MAP2K5: variants seen among roughly 807,000 people sequenced by gnomAD.
The protein encoded by MAP2K5 is dual specificity mitogen-activated protein kinase kinase 5.
Under a neutral mutation model 83.1 loss-of-function variants are expected in MAP2K5, and 49 were observed. The ratio of observed to expected loss-of-function variants is 0.59; its 90% CI spans 0.47 to 0.75. The LOEUF (loss-of-function observed/expected upper bound fraction) is 0.75, where lower values mean the gene tolerates loss of function less well. Ranked by LOEUF, MAP2K5 falls within the 30% of genes least tolerant of loss-of-function variation. The pLI, the probability that MAP2K5 is intolerant of heterozygous loss-of-function variation, is 0.00. For synonymous variants in MAP2K5, 202 were observed against 191.8 expected (o/e 1.05, Z -0.44); for missense variants, 457 against 557.5 (o/e 0.82, Z 1.82).
chr15:67,547,009 G>A (rs2084400880), intron 1 of MAP2K5, among the ~76,000 whole-genome samples: 1 of 151,706 alleles, frequency 6.6e-6, no homozygotes, highest in Admixed American at 6.6e-5. Flanking sequence ...AGGCTATAGG[G>A]AGCTGTGATT....
At position 67,806,652 on chromosome 15, in the gene MAP2K5, C is replaced by CCGTTCAT. The variant is rs1566971039; in HGVS notation, c.1253_1259dup (p.Gln421HisfsTer6). On this transcript the variant is annotated frameshift_variant, in exon 22 of 22. Transcript: ENST00000178640. LOFTEE classifies it high-confidence loss of function. ...CTCCTCCTCTTCCCCGCAGGGCCAC[C>CCGTTCAT]CGTTCATCGTGCAGTTCAATGATGG... is the stretch of plus-strand genomic sequence containing the variant. The CCGTTCAT allele has an allele frequency of 1.3e-6, 2 of 1,550,582 alleles. No homozygotes were observed. Among genetic ancestry groups the CCGTTCAT allele is most frequent in the Non-Finnish European group, 1.7e-6 (2 of 1,146,940 alleles).
At chr15:67,712,579 A>T (rs1201170923) in intron 16 of MAP2K5, among the ~76,000 whole-genome samples, 3 of 152,246 alleles carry the variant, frequency 2.0e-5, no homozygotes, top group African/African-American at 7.2e-5. Flanking sequence ...CTGCTGTAAC[A>T]AAAGGAACTT....
rs1271830283 is a variant in MAP2K5 at position 67,750,857 on chromosome 15, T to C, written c.1134+2256T>C. 1.3e-5 allele frequency among the ~76,000 whole-genome samples: 2 copies of C among 151,994 alleles called. No homozygotes were observed. The highest frequency in any genetic ancestry group is 6.6e-5 in the Admixed American group (1 of 15,250). On this transcript the variant is annotated intron_variant, in intron 19 of 21. Transcript: ENST00000178640. The surrounding 1 kb of genome is among the most constrained non-coding windows in gnomAD (Gnocchi z 4.2). Reference sequence around the variant, plus strand: ...GAGTGGGATTTACCCCGTTGTGAAGTGGGTATCTGTTGCTAGTATATACTA... The same window carrying C: ...GAGTGGGATTTACCCCGTTGTGAAGCGGGTATCTGTTGCTAGTATATACTA...
intron 19 of MAP2K5, among the ~76,000 whole-genome samples, chr15:67,763,670 G>A (rs926214409): frequency 4.6e-5 from 7 of 151,000 alleles, no homozygotes; most frequent in East Asian, 1.9e-4. Flanking sequence ...AAACAAACTC[G>A]ATTTTCTCCC....
intron 9 of MAP2K5, among the ~76,000 whole-genome samples, chr15:67,633,333 T>C (rs2086518234): frequency 6.6e-6 from 1 of 152,258 alleles, no homozygotes. Flanking sequence ...TAGCCAACTC[T>C]AGGTTATTTA....
chr15:67,679,283 T>C (rs1567355493), intron 13 of MAP2K5, among the ~76,000 whole-genome samples: 1 of 152,150 alleles, frequency 6.6e-6, no homozygotes, highest in African/African-American at 2.4e-5. Flanking sequence ...GGCTAATTGA[T>C]GCAGAATGTG....
At chr15:67,765,941 G>A (rs549539434) in intron 19 of MAP2K5, among the ~76,000 whole-genome samples, 2 of 152,194 alleles carry the variant, frequency 1.3e-5, no homozygotes, top group Non-Finnish European at 2.9e-5. Flanking sequence ...CAGTTGTAAT[G>A]GGTTGACCTT....
rs1446967874 is a variant in MAP2K5 at position 67,747,716 on chromosome 15, TC to T, written c.1075-513del. Among the ~76,000 whole-genome samples the T allele has an allele frequency of 6.6e-6, 1 of 152,232 alleles. No homozygotes were observed. Among genetic ancestry groups the T allele is most frequent in the Admixed American group, 6.5e-5 (1 of 15,284 alleles). On this transcript the variant is annotated intron_variant, in intron 17 of 21. Coordinates refer to ENST00000178640, the MANE Select transcript of MAP2K5 (RefSeq NM_145160.3). This position sits in a 1 kb window ranked among gnomAD's most constrained non-coding sequence, Gnocchi z 4.1. ...GGAAAAGGTGGAGTTGTTACCCCAC[TC>T]CTAAGTTAGGTGCAAATACTTCAAC...
chr15:67,647,415 C>G (rs1489281121), intron 11 of MAP2K5, among the ~76,000 whole-genome samples: 1 of 152,138 alleles, frequency 6.6e-6, no homozygotes, highest in African/African-American at 2.4e-5. Flanking sequence ...TTTTATCATT[C>G]TTTCTTTGAA....
intron 4 of MAP2K5, among the ~76,000 whole-genome samples, chr15:67,581,511 C>G (rs1433987636): frequency 6.6e-6 from 1 of 152,156 alleles, no homozygotes; most frequent in South Asian, 2.1e-4. Flanking sequence ...ACCATTAAGT[C>G]TTTCACCCGT....
At chr15:67,602,439 T>A (rs4776945) in intron 8 of MAP2K5, among the ~76,000 whole-genome samples, 149,122 of 152,298 alleles carry the variant, frequency 0.98, 73,095 homozygotes, top group Middle Eastern at 1. Flanking sequence ...AAATGGAATT[T>A]AAAAATGTTT....
At chr15:67,696,273 ACT>A (rs1428471343) in intron 15 of MAP2K5, among the ~76,000 whole-genome samples, 1 of 151,832 alleles carries the variant, frequency 6.6e-6, no homozygotes, top group African/African-American at 2.4e-5. Flanking sequence ...TGTACTGATC[ACT>A]CTTCCAAGCT....
rs1025282603 is a variant in MAP2K5 at position 67,665,966 on chromosome 15, G to A, written c.847+1321G>A. On this transcript the variant is annotated intron_variant, in intron 13 of 21. Transcript: ENST00000178640. The surrounding 1 kb of genome is among the most constrained non-coding windows in gnomAD (Gnocchi z 4.2). ...TCCTACCTCCGCACACCCAGCTACC[G>A]GTAAAGTGGTGATAGCCATTTTAAT... 2.6e-5 allele frequency among the ~76,000 whole-genome samples: 4 copies of A among 152,046 alleles called. No homozygotes were observed. The highest frequency in any genetic ancestry group is 9.7e-5 in the African/African-American group (4 of 41,404).
chr15:67,793,910 A>G lies in MAP2K5; in HGVS notation c.1243-12736A>G, dbSNP rs2090560340. ...GGGAAAGTCCTTAGGTTCTAAAACC[A>G]GACTTAGATCTAGGCACATAGAAAC... On this transcript the variant is annotated intron_variant, in intron 21 of 21. Transcript: ENST00000178640. The surrounding 1 kb of genome is among the most constrained non-coding windows in gnomAD (Gnocchi z 4.6). Among the ~76,000 whole-genome samples the G allele has an allele frequency of 6.6e-6, 1 of 152,248 alleles. No individual in the cohort carries two copies. The highest frequency in any genetic ancestry group is 2.1e-4 in the South Asian group (1 of 4,834).
intron 14 of MAP2K5, 58 bp from the exon 15 acceptor site, chr15:67,693,459 TG>T (rs1269088562): frequency 7.6e-7 from 1 of 1,310,428 alleles, no homozygotes; most frequent in African/African-American, 1.5e-5. Context: ...GAGGAATAAT[TG>T]CCCATTTTAT....
chr15:67,584,185 C>T (rs2085242771), intron 4 of MAP2K5, among the ~76,000 whole-genome samples: 1 of 152,162 alleles, frequency 6.6e-6, no homozygotes, highest in African/African-American at 2.4e-5. Context: ...CATTGACTAG[C>T]TTTATAGTAA....
rs908440919 is a variant in MAP2K5, at chr15:67,780,783, G to C, written c.1242+8031G>C. On this transcript the variant is annotated intron_variant, in intron 21 of 21. Transcript: ENST00000178640. This position sits in a 1 kb window ranked among gnomAD's most constrained non-coding sequence, Gnocchi z 5.0. ...TAATATTCAAAACATTTAACAACCA[G>C]TATAGCATGAGGATTACCGTTCAGA... Among the ~76,000 whole-genome samples the C allele has an allele frequency of 2.0e-5, 3 of 152,156 alleles. No individual in the cohort carries two copies. The highest frequency in any genetic ancestry group is 7.2e-5 in the African/African-American group (3 of 41,434).
chr15:67,554,950 C>A (rs1413344717), intron 2 of MAP2K5, among the ~76,000 whole-genome samples: 1 of 152,176 alleles, frequency 6.6e-6, no homozygotes, highest in Non-Finnish European at 1.5e-5. Flanking sequence ...GCCTCCAAAT[C>A]AAATTCCCAC....
chr15:67,626,973 C>T (rs1269215143), intron 8 of MAP2K5, among the ~76,000 whole-genome samples: 1 of 150,472 alleles, frequency 6.6e-6, no homozygotes, highest in Admixed American at 6.7e-5. Flanking sequence ...CGCTCTGTCA[C>T]CCGGGCTGTA....
Sources: gnomAD v4.1 joint callset for allele counts (sites outside exome capture counted in the v4.1 genomes callset) on GRCh38, gnomAD v4.1.1 for gene constraint, Gnocchi (gnomAD v3.1) non-coding constraint, MANE v1.5 for transcripts, NCBI Gene and HGNC (gene_info 2026-07-23, HGNC 2026-07-21) for gene names.